Variants in YAF2 observed in about 807,000 individuals in gnomAD.
YAF2 encodes YY1-associated factor 2.
A neutral mutation model predicts 20.1 loss-of-function variants in YAF2; 7 were observed. The observed-to-expected ratio is 0.35, with a 90% confidence interval of 0.20 to 0.65. The LOEUF is 0.65. Ranked by LOEUF, YAF2 falls within the 30% of genes least tolerant of loss-of-function variation. The probability of loss-of-function intolerance (pLI) is 0.69; values close to 1 mark genes in which losing one functional copy is unlikely to be tolerated. For missense variants in YAF2, 151 were observed against 219.2 expected (o/e 0.69, Z 1.96); for synonymous variants, 74 against 76.0 (o/e 0.97, Z 0.14).
In YAF2 at chr12:42,160,245, A is replaced by C. The variant is rs554706218; in HGVS notation, c.*344T>G. The C allele has an allele frequency of 4.7e-6, 1 of 214,670 alleles. No homozygotes were observed. The highest frequency in any genetic ancestry group is 5.3e-5 in the Admixed American group (1 of 19,042). The allele number at this position is 214,670 out of a possible 1,614,324, so 13.3% of individuals were successfully genotyped here. ...AGGCAGCTTGCACTATGTTATAAAA[A>C]ATTTAAATTCGTTACATGCCAATAG... On this transcript the variant is annotated 3_prime_UTR_variant, in exon 4 of 4. Transcript: ENST00000534854.
chr12:42,230,100 T>TA (rs1398525104), intron 2 of YAF2, among the ~76,000 whole-genome samples: 8 of 151,944 alleles, frequency 5.3e-5, no homozygotes, highest in Admixed American at 2.6e-4. Context: ...CTACTAAAAA[T>TA]AAAAAAATTA....
chr12:42,202,207 C>A (rs898408359), intron 2 of YAF2, among the ~76,000 whole-genome samples: 2 of 152,122 alleles, frequency 1.3e-5, no homozygotes, highest in African/African-American at 2.4e-5. Flanking sequence ...ATGTATGAAT[C>A]CATTTCTGAA....
rs1055254445 is a variant in YAF2 at position 42,237,577 on chromosome 12, G to T, written c.152+22C>A. The T allele has an allele frequency of 2.1e-5, 32 of 1,496,514 alleles. No individual in the cohort carries two copies. The African/African-American group carries it at 4.1e-4, about 19-fold the overall frequency. The allele number at this position is 1,496,514 out of a possible 1,614,324, so 92.7% of individuals were successfully genotyped here. On this transcript the variant is annotated intron_variant, in intron 2 of 3. Coordinates refer to ENST00000534854, the MANE Select transcript of YAF2 (RefSeq NM_005748.6). ...TCGCCACCCCGCCGGCCGGCGGCGC[G>T]AGGGGCAGGCCCGGGACTCACCGGG...
At chr12:42,214,103 T>A (rs1423678274) in intron 2 of YAF2, among the ~76,000 whole-genome samples, 4 of 152,202 alleles carry the variant, frequency 2.6e-5, no homozygotes. Flanking sequence ...AATCTCAGTG[T>A]CATATCATTT....
intron 2 of YAF2, among the ~76,000 whole-genome samples, chr12:42,170,547 C>G (rs1051650939): frequency 6.6e-6 from 1 of 152,126 alleles, no homozygotes; most frequent in Non-Finnish European, 1.5e-5. Flanking sequence ...CGGTGGCTCA[C>G]GCCTATAATC....
intron 2 of YAF2, chr12:42,233,597 G>T (rs1022936249): frequency 5.8e-6 from 4 of 684,598 alleles, no homozygotes; most frequent in Non-Finnish European, 7.2e-6. Flanking sequence ...CTGCAACCTC[G>T]AACTCTGGGG....
intron 2 of YAF2, chr12:42,205,816 A>T: frequency 3.2e-6 from 1 of 316,780 alleles, no homozygotes; most frequent in African/African-American, 2.2e-5. Flanking sequence ...TACATTCATT[A>T]AAGATTATAA....
At chr12:42,234,142 G>A in intron 2 of YAF2, 1 of 927,382 alleles carries the variant, frequency 1.1e-6, no homozygotes, top group South Asian at 4.9e-5. Context: ...CTGTACTCCA[G>A]CCTGGGCGAC....
At chr12:42,191,556 A>G (rs556593075) in intron 2 of YAF2, among the ~76,000 whole-genome samples, 107 of 152,266 alleles carry the variant, frequency 7.0e-4, no homozygotes, top group African/African-American at 2.5e-3. Flanking sequence ...ACTTTTAACA[A>G]GCATGTTTGG....
chr12:42,225,975 C>T (rs1370842448), intron 2 of YAF2, among the ~76,000 whole-genome samples: 1 of 152,122 alleles, frequency 6.6e-6, no homozygotes, highest in Non-Finnish European at 1.5e-5. Flanking sequence ...GGAAGTATGG[C>T]CATTTTCACA....
chr12:42,197,105 A>G (rs1245217691), intron 2 of YAF2, among the ~76,000 whole-genome samples: 4 of 152,266 alleles, frequency 2.6e-5, no homozygotes, highest in African/African-American at 9.6e-5. Flanking sequence ...GTGTCATGAC[A>G]ACAGATAGAA....
chr12:42,199,787 A>G (rs922916925), intron 2 of YAF2, among the ~76,000 whole-genome samples: 2 of 152,170 alleles, frequency 1.3e-5, no homozygotes, highest in African/African-American at 4.8e-5. Context: ...AAAGACTATT[A>G]GCTTAAAAAA....
intron 2 of YAF2, among the ~76,000 whole-genome samples, chr12:42,180,362 A>T (rs2066311921): frequency 6.6e-6 from 1 of 152,180 alleles, no homozygotes; most frequent in Non-Finnish European, 1.5e-5. Context: ...GGTCATCAGG[A>T]ACTAATGTCC....
intron 2 of YAF2, among the ~76,000 whole-genome samples, chr12:42,177,366 T>C (rs1435448807): frequency 6.6e-6 from 1 of 152,170 alleles, no homozygotes; most frequent in Non-Finnish European, 1.5e-5. Flanking sequence ...CAAGGTCCAG[T>C]AGGGTTCCGC....
chr12:42,236,146 C>T (rs1448867300), intron 2 of YAF2: 7 of 1,230,168 alleles, frequency 5.7e-6, no homozygotes, highest in Non-Finnish European at 6.6e-6. Flanking sequence ...CTCCAAAAAA[C>T]GAATTTTCTA....
At chr12:42,214,565 C>A (rs1238318974) in intron 2 of YAF2, among the ~76,000 whole-genome samples, 1 of 152,138 alleles carries the variant, frequency 6.6e-6, no homozygotes, top group Non-Finnish European at 1.5e-5. Context: ...AGCCGCCATG[C>A]CCGGCCTCCT....
intron 2 of YAF2, among the ~76,000 whole-genome samples, chr12:42,201,902 T>A (rs1016828461): frequency 6.6e-6 from 1 of 152,184 alleles, no homozygotes; most frequent in African/African-American, 2.4e-5. Flanking sequence ...CAAGTTTTCC[T>A]TTTTGAGGCA....
At chr12:42,175,352 A>G (rs1248731602) in intron 2 of YAF2, among the ~76,000 whole-genome samples, 1 of 152,168 alleles carries the variant, frequency 6.6e-6, no homozygotes, top group African/African-American at 2.4e-5. Context: ...CCTAGCAACC[A>G]GAGATGGGAT....
chr12:42,199,176 G>A, intron 2 of YAF2: 1 of 1,289,248 alleles, frequency 7.8e-7, no homozygotes, highest in Non-Finnish European at 1.0e-6. Context: ...TTTCTAGGCA[G>A]AGGCTTGAGC....
Sources: allele counts gnomAD v4.1 joint callset (sites outside exome capture counted in the v4.1 genomes callset), GRCh38; gene constraint gnomAD v4.1.1; transcripts MANE v1.5; gene names NCBI Gene and HGNC (gene_info 2026-07-23, HGNC 2026-07-21).